PCBD1: variants seen among roughly 807,000 people sequenced by gnomAD.
PCBD1 encodes the protein pterin-4 alpha-carbinolamine dehydratase 1, also known as pterin-4-alpha-carbinolamine dehydratase.
In PCBD1, 16 loss-of-function variants were observed where a neutral mutation model predicts 12.6. The ratio of observed to expected loss-of-function variants is 1.27; its 90% CI spans 0.86 to 1.93. The LOEUF (loss-of-function observed/expected upper bound fraction) is 1.93. Ranked by LOEUF, PCBD1 falls within the 30% of genes most tolerant of loss-of-function variation. The pLI is 0.00. For synonymous variants in PCBD1, 53 were observed against 50.2 expected (o/e 1.05, Z -0.23); for missense variants, 86 against 130.1 (o/e 0.66, Z 1.65).
chr10:70,884,111 G>A (rs1459291839), intron 3 of PCBD1, 63 bp from the exon 4 acceptor site: 9 of 1,553,308 alleles, frequency 5.8e-6, no homozygotes, highest in Non-Finnish European at 7.9e-6. Flanking sequence ...GGAGTCACTA[G>A]CTGCTGGGCT....
At chr10:70,887,829 A>G (rs1203491642) in intron 1 of PCBD1, 1 of 152,078 alleles carries the variant, frequency 6.6e-6, no homozygotes, top group African/African-American at 2.4e-5. Context: ...TCCCTCTCCT[A>G]TCAAAAGGCC....
chr10:70,886,900 G>T (rs139816077), intron 1 of PCBD1, among the ~76,000 whole-genome samples: 2 of 152,198 alleles, frequency 1.3e-5, no homozygotes, highest in Admixed American at 1.3e-4. Flanking sequence ...GAGGATCCAG[G>T]TCTAGGAGCT....
At chr10:70,886,215 A>T (rs1589485402) in intron 1 of PCBD1, among the ~76,000 whole-genome samples, 1 of 152,294 alleles carries the variant, frequency 6.6e-6, no homozygotes, top group Admixed American at 6.5e-5. Context: ...TGACGGGGAC[A>T]GAGAAGCACT....
At position 70,883,979 on chromosome 10, in the gene PCBD1, T is replaced by C. The variant is rs1846540054; in HGVS notation, c.286A>G (p.Ile96Val). The C allele has an allele frequency of 2.5e-6, 4 of 1,614,148 alleles. No homozygotes were observed. The highest frequency in any genetic ancestry group is 3.4e-6 in the Non-Finnish European group (4 of 1,180,020). The change falls in exon 4 of 4, where the codon ATC (isoleucine) becomes GTC (valine). Residue 96 changes from isoleucine (I) to valine (V), a missense_variant. Transcript: ENST00000299299. ...GTCATGGACACTGCTACTTGTTCGA[T>C]GAAGCTGGCCAGGTTTATGTCCCGT... ...SERDINLASF[I>V]EQVAVSMT
intron 1 of PCBD1, 143 bp downstream of exon 1, chr10:70,888,388 G>A (rs1846622294): frequency 2.1e-6 from 2 of 941,746 alleles, no homozygotes; most frequent in Admixed American, 4.0e-5. Flanking sequence ...GCGACAGAGA[G>A]CCGGGCAGAG....
At chr10:70,885,317 G>A in intron 2 of PCBD1, 85 bp from the exon 3 acceptor site, 2 of 988,004 alleles carry the variant, frequency 2.0e-6, no homozygotes, top group East Asian at 2.5e-5. Flanking sequence ...GACGCAGGAG[G>A]ATGAATTAGC....
Position 70,884,003 on chromosome 10 carries a change from G to T in PCBD1, c.262C>A (p.Arg88=), listed in dbSNP as rs564505637. ...ATGAAGCTGGCCAGGTTTATGTCCC[G>T]TTCTGAAAGGCCGGCACACTCATGG... The part of the protein sequence containing the change: ...STHECAGLSE[R]DINLASFIEQ... Residue 88 remains arginine (R), a synonymous_variant, in exon 4 of 4, where the codon CGG becomes AGG. Coordinates refer to ENST00000299299, the MANE Select transcript of PCBD1 (RefSeq NM_000281.4). 1.2e-5 allele frequency: 20 copies of T among 1,614,088 alleles called. No homozygotes were observed. The highest frequency in any genetic ancestry group is 1.5e-5 in the Non-Finnish European group (18 of 1,180,008).
chr10:70,883,229 C>T (rs1846525914), downstream of PCBD1, among the ~76,000 whole-genome samples: 1 of 152,160 alleles, frequency 6.6e-6, no homozygotes, highest in Non-Finnish European at 1.5e-5. Context: ...TTCCCTTTAG[C>T]TCATTTCTTA....
intron 1 of PCBD1, 46 bp downstream of exon 1, chr10:70,888,485 C>G (rs1427653867): frequency 6.9e-7 from 1 of 1,455,840 alleles, no homozygotes; most frequent in Non-Finnish European, 9.0e-7. Flanking sequence ...CCCGCGGCTG[C>G]CCCGGCCCCG....
chr10:70,882,723 G>A (rs1846519022), downstream of PCBD1, among the ~76,000 whole-genome samples: 1 of 152,158 alleles, frequency 6.6e-6, no homozygotes, highest in African/African-American at 2.4e-5. Flanking sequence ...CACCCTCACA[G>A]ACACACCCGG....
chr10:70,885,841 C>T lies in PCBD1; in HGVS notation c.92G>A (p.Arg31His), dbSNP rs773077426. 9.3e-6 allele frequency: 15 copies of T among 1,614,086 alleles called. No homozygotes were observed. Among genetic ancestry groups the T allele is most frequent in the East Asian group, 4.5e-5 (2 of 44,882 alleles). Reference sequence around the variant, plus strand: ...ATGAAACTGCTTGAAGATGGCATCACGGCCTTCCAGCTCATTCCACCCCAC... The same window carrying T: ...ATGAAACTGCTTGAAGATGGCATCATGGCCTTCCAGCTCATTCCACCCCAC... ...RAVGWNELEG[R>H]DAIFKQFHFK... Residue 31 changes from arginine (R) to histidine (H), a missense_variant, in exon 2 of 4, where the codon CGT (arginine) becomes CAT (histidine). Transcript: ENST00000299299.
downstream of PCBD1, among the ~76,000 whole-genome samples, chr10:70,882,815 A>C (rs554357037): frequency 6.6e-6 from 1 of 152,244 alleles, no homozygotes; most frequent in African/African-American, 2.4e-5. Flanking sequence ...GGAAGAAAAT[A>C]TAGGTTGAGT....
chr10:70,883,569 G>A lies in PCBD1; in HGVS notation c.*381C>T. Reference sequence around the variant, plus strand: ...AACACATGTGTTTCTATTACATAGTGTGGGGTTTAGGGTCCTGGTTTCTAA... The same window carrying A: ...AACACATGTGTTTCTATTACATAGTATGGGGTTTAGGGTCCTGGTTTCTAA... On this transcript the variant is annotated 3_prime_UTR_variant, in exon 4 of 4. Coordinates refer to ENST00000299299, the MANE Select transcript of PCBD1 (RefSeq NM_000281.4). The A allele has an allele frequency of 8.6e-7, 1 of 1,156,580 alleles. No individual in the cohort carries two copies. The highest frequency in any genetic ancestry group is 1.6e-5 in the African/African-American group (1 of 62,862). The allele number at this position is 1,156,580 out of a possible 1,614,324, so 71.6% of individuals were successfully genotyped here. A position where few individuals can be genotyped will look rare whatever the true frequency, so the allele number is the denominator to read the frequency against.
intron 1 of PCBD1, 98 bp from the exon 2 acceptor site, chr10:70,886,027 G>C: frequency 6.7e-7 from 1 of 1,496,784 alleles, no homozygotes; most frequent in South Asian, 1.2e-5. Context: ...TCCACTGGCT[G>C]CTTTGGACGT....
At chr10:70,883,475 T>C, downstream of PCBD1, 6 of 1,041,526 alleles carry the variant, frequency 5.8e-6, no homozygotes, top group Non-Finnish European at 7.0e-6. Context: ...CCAATTTGGA[T>C]TGACCTGTGG....
intron 1 of PCBD1, among the ~76,000 whole-genome samples, chr10:70,887,164 C>T (rs989002926): frequency 3.3e-5 from 5 of 151,914 alleles, no homozygotes; most frequent in Non-Finnish European, 5.9e-5. Context: ...CATGAGGTGC[C>T]AATGGGACAC....
intron 1 of PCBD1, among the ~76,000 whole-genome samples, chr10:70,886,726 A>AGGCCAAAGTGGAAGGAACTT: frequency 6.6e-6 from 1 of 152,328 alleles, no homozygotes; most frequent in South Asian, 2.1e-4. Flanking sequence ...TGGGAAGCTC[A>AGGCCAAAGTGGAAGGAACTT]GGCCAAAGTG....
Position 70,883,818 on chromosome 10 carries a change from C to T in PCBD1, c.*132G>A. ...ACACTGGCACATCCCACAGCAAGGA[C>T]TCAGCCCTCAACGGCGGCGGCTGGG... On this transcript the variant is annotated 3_prime_UTR_variant, in exon 4 of 4. Coordinates refer to ENST00000299299, the MANE Select transcript of PCBD1 (RefSeq NM_000281.4). The T allele has an allele frequency of 6.5e-7, 1 of 1,531,860 alleles. No individual in the cohort carries two copies. The highest frequency in any genetic ancestry group is 2.5e-5 in the East Asian group (1 of 40,588). 94.9% of individuals were successfully genotyped at this position (1,531,860 alleles called of 1,614,324 possible).
chr10:70,883,642 T>C lies in PCBD1; in HGVS notation c.*308A>G. ...TATCACAGCTTCCTGGGAAATGAAT[T>C]AGGGAGCAAGAGACGGCCTGGCAAG... On this transcript the variant is annotated 3_prime_UTR_variant, in exon 4 of 4. Transcript: ENST00000299299. 7.9e-7 allele frequency: 1 copy of C among 1,261,018 alleles called. No homozygotes were observed. The allele number at this position is 1,261,018 out of a possible 1,614,324, so 78.1% of individuals were successfully genotyped here.
Sources: gnomAD v4.1 joint callset for allele counts (sites outside exome capture counted in the v4.1 genomes callset) on GRCh38, gnomAD v4.1.1 for gene constraint, MANE v1.5 for transcripts, NCBI Gene and HGNC (gene_info 2026-07-23, HGNC 2026-07-21) for gene names.